MAX: variants seen among roughly 807,000 people sequenced by gnomAD.
MAX encodes the protein protein max.
A neutral mutation model predicts 22.3 loss-of-function variants in MAX; 3 were observed. The observed-to-expected ratio is 0.13, with a 90% CI of 0.06 to 0.35. The LOEUF (loss-of-function observed/expected upper bound fraction) is 0.35. MAX is among the 10% of genes least tolerant of loss of function. MAX has a pLI of 1.00. For missense variants in MAX, 119 were observed against 209.4 expected, an observed-to-expected ratio of 0.57 and a Z score of 2.66; for synonymous variants, 72 against 77.7, an observed-to-expected ratio of 0.93 and a Z score of 0.39.
At chr14:65,043,551 G>T (rs535640029) in intron 3 of MAX, among the ~76,000 whole-genome samples, 37 of 152,250 alleles carry the variant, frequency 2.4e-4, no homozygotes, top group Non-Finnish European at 4.9e-4. Flanking sequence ...GGCCGGGCAC[G>T]GTGGCTCACG....
At chr14:65,015,042 G>GGGA (rs1223943284) in intron 3 of MAX, among the ~76,000 whole-genome samples, 1 of 151,886 alleles carries the variant, frequency 6.6e-6, no homozygotes, top group Non-Finnish European at 1.5e-5. Context: ...ATGCCTGCCA[G>GGGA]GGAGGGATCC....
chr14:65,010,418 A>C (rs2061665092), intron 3 of MAX, among the ~76,000 whole-genome samples: 2 of 152,156 alleles, frequency 1.3e-5, no homozygotes, highest in African/African-American at 4.8e-5. Flanking sequence ...CAGCAGCCTG[A>C]TTGACATCAT....
chr14:65,095,978 A>G (rs911051412), intron 2 of MAX, among the ~76,000 whole-genome samples: 1 of 152,094 alleles, frequency 6.6e-6, no homozygotes, highest in Admixed American at 6.6e-5. Context: ...ACCCCCTCCC[A>G]TTCACTGAGC....
intron 3 of MAX, among the ~76,000 whole-genome samples, chr14:65,050,365 T>C (rs890208290): frequency 3.9e-5 from 6 of 152,074 alleles, no homozygotes; most frequent in African/African-American, 1.4e-4. Flanking sequence ...GGAAGCCGAG[T>C]TGGGCAGATC....
Position 65,084,241 on chromosome 14 carries a change from T to C in MAX, c.172-6205A>G. On this transcript the variant is annotated intron_variant, in intron 3 of 4. Coordinates refer to ENST00000358664, the MANE Select transcript of MAX (RefSeq NM_002382.5). The surrounding 1 kb of genome is among the most constrained non-coding windows in gnomAD (Gnocchi z 4.3). ...GCTTGAAATGAAGGTGTGGCATTTCTGCATCAAACTTTGACGATGAAGGAC... is the reference window on the plus strand; with the variant it reads ...GCTTGAAATGAAGGTGTGGCATTTCCGCATCAAACTTTGACGATGAAGGAC... 1 of 1,614,104 alleles carries C rather than the reference T, an allele frequency of 6.2e-7. No homozygotes were observed. The highest frequency in any genetic ancestry group is 1.1e-5 in the South Asian group (1 of 91,082).
At chr14:65,006,617 C>T (rs1034053850) in intron 3 of MAX, among the ~76,000 whole-genome samples, 2 of 152,170 alleles carry the variant, frequency 1.3e-5, no homozygotes, top group African/African-American at 4.8e-5. Context: ...GTTGTACCCC[C>T]GATGACTCAC....
At chr14:65,046,233 C>T (rs1352969389) in intron 3 of MAX, among the ~76,000 whole-genome samples, 1 of 152,192 alleles carries the variant, frequency 6.6e-6, no homozygotes. Flanking sequence ...GCCTTGGCCT[C>T]CCAAAGTGCT....
rs1275160452 is a variant in MAX at position 65,032,811 on chromosome 14, G to T, written c.172-26527C>A. The T allele has an allele frequency of 1.1e-6, 1 of 947,026 alleles. No individual in the cohort carries two copies. Among genetic ancestry groups the T allele is most frequent in the Admixed American group, 3.2e-5 (1 of 31,616 alleles). The allele number at this position is 947,026 out of a possible 1,614,324, so 58.7% of individuals were successfully genotyped here. On this transcript the variant is annotated intron_variant, in intron 3 of 3. Coordinates refer to the MAX transcript ENST00000341653. The surrounding 1 kb of genome is among the most constrained non-coding windows in gnomAD (Gnocchi z 5.0). ...GGAAGGAAATACAAAAATCACAGGA[G>T]ATCCATTAGGGTTATCTAATGATTT... is the stretch of plus-strand genomic sequence containing the variant.
intron 3 of MAX, among the ~76,000 whole-genome samples, chr14:65,089,086 G>C (rs2063423736): frequency 6.6e-6 from 1 of 152,172 alleles, no homozygotes; most frequent in Non-Finnish European, 1.5e-5. Flanking sequence ...ACCCTCAAGG[G>C]TAGACACCAT....
At position 65,023,063 on chromosome 14, in the gene MAX, T is replaced by A. The variant is rs2061917378; in HGVS notation, c.172-16779A>T. On this transcript the variant is annotated intron_variant, in intron 3 of 3. Coordinates refer to the MAX transcript ENST00000341653. The surrounding 1 kb of genome is among the most constrained non-coding windows in gnomAD (Gnocchi z 4.1). ...TGATGACGGTGTTTAGAATCAACAT[T>A]GATTAATTGATTGAGACAGGGTCTC... Among the ~76,000 whole-genome samples the A allele has an allele frequency of 6.6e-6, 1 of 152,208 alleles. No individual in the cohort carries two copies. The highest frequency in any genetic ancestry group is 2.4e-5 in the African/African-American group (1 of 41,452).
Position 65,055,182 on chromosome 14 carries a change from G to A in MAX, c.171+38526C>T, listed in dbSNP as rs1305377497. The stretch of plus-strand genomic sequence containing the variant: ...TTTGTAGTACTTTACTCAGTTGGTG[G>A]TGTGTTGTTTAATGTGTGTTTGTCT... On this transcript the variant is annotated intron_variant, in intron 3 of 3. Transcript: ENST00000341653. Among the ~76,000 whole-genome samples, 6 of 143,806 alleles carry A rather than the reference G, an allele frequency of 4.2e-5. No homozygotes were observed. In the South Asian group the frequency reaches 6.8e-4, roughly 16 times the overall value. The allele number at this position is 143,806 out of a possible 152,430, so 94.3% of individuals were successfully genotyped here.
chr14:65,026,696 A>T lies in MAX; in HGVS notation c.172-20412T>A, dbSNP rs566738201. On this transcript the variant is annotated intron_variant, in intron 3 of 3. Coordinates refer to the MAX transcript ENST00000341653. ...GCCAGCATGGTGAAACCTTGTCTGT[A>T]CTGAAAATACAAAAAATTGGCTGGG... Among the ~76,000 whole-genome samples the T allele has an allele frequency of 9.3e-4, 142 of 152,192 alleles. 8 individuals are homozygous for T. The South Asian group carries it at 0.024, about 26-fold the overall frequency.
At position 65,032,491 on chromosome 14, in the gene MAX, G is replaced by A. The variant is rs1460545070; in HGVS notation, c.172-26207C>T. The A allele has an allele frequency of 3.9e-6, 4 of 1,029,568 alleles. No homozygotes were observed. Among genetic ancestry groups the A allele is most frequent in the Middle Eastern group, 2.7e-4 (1 of 3,762 alleles). The allele number at this position is 1,029,568 out of a possible 1,614,324, so 63.8% of individuals were successfully genotyped here. A position where few individuals can be genotyped will look rare whatever the true frequency, so the allele number is the denominator to read the frequency against. ...CAGGAGGACTGACCGTGTGCCAAGA[G>A]TGAGGACAGGAGGTGATTACAGCTT... On this transcript the variant is annotated intron_variant, in intron 3 of 3. Transcript: ENST00000341653. This position sits in a 1 kb window ranked among gnomAD's most constrained non-coding sequence, Gnocchi z 5.0.
chr14:65,037,938 C>G (rs2062251694), intron 3 of MAX, among the ~76,000 whole-genome samples: 1 of 151,668 alleles, frequency 6.6e-6, no homozygotes, highest in East Asian at 2.0e-4. Flanking sequence ...CGCCACGACA[C>G]CCAGCTAATT....
At chr14:65,052,044 C>T (rs1287655234) in intron 3 of MAX, among the ~76,000 whole-genome samples, 2 of 152,142 alleles carry the variant, frequency 1.3e-5, no homozygotes, top group Non-Finnish European at 2.9e-5. Context: ...ATCAACCCCC[C>T]TCAGCCTCCC....
chr14:65,095,903 T>G (rs988132571), intron 2 of MAX, among the ~76,000 whole-genome samples: 1 of 152,218 alleles, frequency 6.6e-6, no homozygotes, highest in South Asian at 2.1e-4. Flanking sequence ...TGGTTTCACG[T>G]GGACCTGCAC....
chr14:65,055,160 G>A (rs188189629), intron 3 of MAX, among the ~76,000 whole-genome samples: 1 of 152,112 alleles, frequency 6.6e-6, no homozygotes, highest in Admixed American at 6.5e-5. Flanking sequence ...CATATTCTTT[G>A]TAGTACTTTA....
At chr14:65,074,899 C>T (rs1040379642), downstream of MAX, among the ~76,000 whole-genome samples, 1 of 152,166 alleles carries the variant, frequency 6.6e-6, no homozygotes, top group African/African-American at 2.4e-5. Flanking sequence ...CCCTGTTGAA[C>T]CTCAAAAGCC....
At chr14:65,096,366 A>G (rs888848238) in intron 2 of MAX, among the ~76,000 whole-genome samples, 2 of 152,242 alleles carry the variant, frequency 1.3e-5, no homozygotes, top group African/African-American at 2.4e-5. Context: ...AGTTAAAAAC[A>G]TGCAGAACTA....
Sources: allele counts gnomAD v4.1 joint callset (sites outside exome capture counted in the v4.1 genomes callset), GRCh38; gene constraint gnomAD v4.1.1; non-coding constraint Gnocchi (gnomAD v3.1); transcripts MANE v1.5; gene names NCBI Gene and HGNC (gene_info 2026-07-23, HGNC 2026-07-21).